ESRRB: variants seen among roughly 807,000 people sequenced by gnomAD.
ESRRB encodes the protein estrogen related receptor beta.
ESRRB carries 16 observed loss-of-function variants against 46.0 expected under a neutral mutation model. That is an observed-to-expected ratio of 0.35 (90% CI 0.24 to 0.53). The LOEUF (loss-of-function observed/expected upper bound fraction) is 0.53. ESRRB is among the 20% of genes least tolerant of loss of function. The pLI, the probability that ESRRB is intolerant of heterozygous loss-of-function variation, is 0.93. For synonymous variants in ESRRB, 246 were observed against 259.6 expected, an observed-to-expected ratio of 0.95 and a Z score of 0.50; for missense variants, 488 against 607.4, an observed-to-expected ratio of 0.80 and a Z score of 2.07.
At chr14:76,324,167 C>T (rs1595044523) in intron 1 of ESRRB, among the ~76,000 whole-genome samples, 1 of 152,170 alleles carries the variant, frequency 6.6e-6, no homozygotes, top group African/African-American at 2.4e-5. Flanking sequence ...GGAAGCTAAG[C>T]AAAGCTGTGG....
At chr14:76,336,835 A>G (rs781005631) in intron 1 of ESRRB, among the ~76,000 whole-genome samples, 3 of 152,148 alleles carry the variant, frequency 2.0e-5, no homozygotes, top group East Asian at 1.9e-4. Context: ...ATTTCAGTGT[A>G]TCTTACATTT....
At position 76,499,534 on chromosome 14, in the gene ESRRB, G is replaced by A. The variant is rs1890579306; in HGVS notation, c.*1076G>A. ...CGGGGTGGCCTGCCTCATCCTTCCTGGCTTCCCTTCCCTGCACTCAGCATC... is the reference window on the plus strand; with the variant it reads ...CGGGGTGGCCTGCCTCATCCTTCCTAGCTTCCCTTCCCTGCACTCAGCATC... On this transcript the variant is annotated 3_prime_UTR_variant, in exon 7 of 7. Coordinates refer to ENST00000644823, the MANE Select transcript of ESRRB (RefSeq NM_001379180.1). 1.4e-5 allele frequency: 6 copies of A among 428,630 alleles called. No homozygotes were observed. The East Asian group carries it at 3.0e-4, about 21-fold the overall frequency. The allele number at this position is 428,630 out of a possible 1,614,324, so 26.6% of individuals were successfully genotyped here.
intron 1 of ESRRB, among the ~76,000 whole-genome samples, chr14:76,395,373 G>A (rs1385222995): frequency 3.3e-5 from 5 of 152,178 alleles, no homozygotes; most frequent in East Asian, 3.9e-4. Context: ...CTGGCTCCCC[G>A]GGGGCTGCAG....
rs1329538715 is a variant in ESRRB at position 76,491,438 on chromosome 14, T to G, written c.851-9T>G. 3 of 1,607,956 alleles carry G rather than the reference T, an allele frequency of 1.9e-6. No individual in the cohort carries two copies. The East Asian group carries it at 6.7e-5, about 36-fold the overall frequency. On this transcript the variant is annotated splice_polypyrimidine_tract_variant and intron_variant, in intron 5 of 6. Coordinates refer to ENST00000644823, the MANE Select transcript of ESRRB (RefSeq NM_001379180.1). Reference sequence around the variant, plus strand: ...CTGCTGCTGCCCTCTGTGCCCCCTCTTCCTGCAGGCTTCTCAAGCCTCTCC... The same window carrying G: ...CTGCTGCTGCCCTCTGTGCCCCCTCGTCCTGCAGGCTTCTCAAGCCTCTCC...
upstream of ESRRB, among the ~76,000 whole-genome samples, chr14:76,367,900 T>C (rs2139777588): frequency 6.8e-6 from 1 of 147,266 alleles, no homozygotes; most frequent in South Asian, 2.2e-4. Flanking sequence ...AAGGCCTTTG[T>C]CCCCCTCCAC....
intron 1 of ESRRB, among the ~76,000 whole-genome samples, chr14:76,362,301 G>T (rs1884474206): frequency 6.6e-6 from 1 of 152,180 alleles, no homozygotes; most frequent in African/African-American, 2.4e-5. Flanking sequence ...CTAATGAAGG[G>T]CACAGCAAGG....
chr14:76,439,875 C>T lies in ESRRB; in HGVS notation c.460+125C>T, dbSNP rs542941260. 54 of 1,035,146 alleles carry T rather than the reference C, an allele frequency of 5.2e-5. No individual in the cohort carries two copies. In the African/African-American group the frequency reaches 8.0e-4, roughly 15 times the overall value. 64.1% of individuals were successfully genotyped at this position (1,035,146 alleles called of 1,614,324 possible). A position where few individuals can be genotyped will look rare whatever the true frequency, so the allele number is the denominator to read the frequency against. ...TCTGGGCGCTGTTGGAGCGGTACTT[C>T]TGTGGGGCGCCTTTTCCCTTGCTCA... is the stretch of plus-strand genomic sequence containing the variant. On this transcript the variant is annotated intron_variant, in intron 2 of 6. Coordinates refer to ENST00000644823, the MANE Select transcript of ESRRB (RefSeq NM_001379180.1).
chr14:76,360,332 A>G (rs1884447546), intron 1 of ESRRB, among the ~76,000 whole-genome samples: 1 of 152,178 alleles, frequency 6.6e-6, no homozygotes, highest in Non-Finnish European at 1.5e-5. Flanking sequence ...CATGAACTCC[A>G]AGATACTTGG....
upstream of ESRRB, among the ~76,000 whole-genome samples, chr14:76,374,908 G>T (rs1466323046): frequency 6.6e-6 from 1 of 152,204 alleles, no homozygotes; most frequent in South Asian, 2.1e-4. Flanking sequence ...AATCATCTGC[G>T]ATCCTTCTGC....
intron 1 of ESRRB, among the ~76,000 whole-genome samples, chr14:76,317,620 GA>G: frequency 6.6e-6 from 1 of 152,260 alleles, no homozygotes; most frequent in East Asian, 1.9e-4. Flanking sequence ...CAACTGGAAA[GA>G]GGCCCAGTGT....
At chr14:76,473,993 C>T (rs540797818) in intron 3 of ESRRB, among the ~76,000 whole-genome samples, 5 of 152,294 alleles carry the variant, frequency 3.3e-5, no homozygotes, top group East Asian at 3.9e-4. Flanking sequence ...GTGACGAGGC[C>T]GGTGGAGGTG....
rs750382285 is a variant in ESRRB at position 76,439,345 on chromosome 14, C to T, written c.55C>T (p.Leu19=). Residue 19 remains leucine, a synonymous_variant, in exon 2 of 7, where the codon CTG becomes TTG. Transcript: ENST00000644823. ...CTTCCCGATTTGTGTCCACAGGCTG[C>T]TGAACAGGATGTCCTCGGACGACAG... ...PDPLGYHNQL[L]NRMSSDDRHL... 1 of 1,613,684 alleles carries T rather than the reference C, an allele frequency of 6.2e-7. No homozygotes were observed. The highest frequency in any genetic ancestry group is 8.5e-7 in the Non-Finnish European group (1 of 1,180,028).
At chr14:76,311,616 G>A (rs183732640) in intron 1 of ESRRB, among the ~76,000 whole-genome samples, 26 of 152,346 alleles carry the variant, frequency 1.7e-4, no homozygotes, top group Middle Eastern at 6.8e-3. Context: ...TCCTGAAAGG[G>A]AACTTGGCTG....
chr14:76,452,444 T>A (rs1285948353), intron 2 of ESRRB, among the ~76,000 whole-genome samples: 2 of 150,922 alleles, frequency 1.3e-5, no homozygotes, highest in African/African-American at 2.4e-5. Flanking sequence ...CTGACCAACA[T>A]GATGAAACCC....
chr14:76,352,859 C>CACAG (rs1884330601), intron 1 of ESRRB, among the ~76,000 whole-genome samples: 1 of 152,214 alleles, frequency 6.6e-6, no homozygotes, highest in African/African-American at 2.4e-5. Flanking sequence ...TCCGCCCCCA[C>CACAG]GCGCACACAG....
intron 1 of ESRRB, among the ~76,000 whole-genome samples, chr14:76,321,910 C>T (rs577264905): frequency 1.8e-4 from 27 of 151,622 alleles, no homozygotes; most frequent in Admixed American, 1.3e-3. Context: ...ATATATTCTT[C>T]CCATTATACA....
intron 1 of ESRRB, among the ~76,000 whole-genome samples, chr14:76,353,901 G>A (rs1884343952): frequency 6.6e-6 from 1 of 152,188 alleles, no homozygotes; most frequent in Non-Finnish European, 1.5e-5. Context: ...AGCTGAGGCT[G>A]CAGTCAGCTA....
At chr14:76,332,776 TATATATTATATATAAATATATA>T (rs1884045294) in intron 1 of ESRRB, among the ~76,000 whole-genome samples, 1 of 15,720 alleles carries the variant, frequency 6.4e-5, no homozygotes, top group Non-Finnish European at 1.0e-4. Context: ...TAATATATAT[TATATATTATATATAAATATATA>T]ATATATTTAT....
chr14:76,398,256 A>C (rs1885783626), intron 1 of ESRRB, among the ~76,000 whole-genome samples: 1 of 152,230 alleles, frequency 6.6e-6, no homozygotes, highest in Non-Finnish European at 1.5e-5. Flanking sequence ...AGATGAGGAA[A>C]TAGGAGCTCA....
Sources: gnomAD v4.1 joint callset for allele counts (sites outside exome capture counted in the v4.1 genomes callset) on GRCh38, gnomAD v4.1.1 for gene constraint, MANE v1.5 for transcripts, NCBI Gene and HGNC (gene_info 2026-07-23, HGNC 2026-07-21) for gene names.